The following TNNI3K variants were observed in gnomAD, a reference collection of about 807,000 sequenced individuals.
The protein encoded by TNNI3K is TNNI3 interacting kinase.
TNNI3K carries 140 observed loss-of-function variants against 114.5 expected under a neutral mutation model. The observed-to-expected ratio is 1.22, with a 90% CI of 1.07 to 1.41. The LOEUF is 1.41. Ranked by LOEUF, TNNI3K falls within the 40% of genes most tolerant of loss-of-function variation. The pLI is 0.00. For missense variants in TNNI3K, 1,125 were observed against 1,007.6 expected, an observed-to-expected ratio of 1.12 and a Z score of -1.58; for synonymous variants, 347 against 347.5, an observed-to-expected ratio of 1.00 and a Z score of 0.02.
At chr1:74,484,027 A>G (rs1263276223) in intron 21 of TNNI3K, among the ~76,000 whole-genome samples, 2 of 152,170 alleles carry the variant, frequency 1.3e-5, no homozygotes, top group Non-Finnish European at 2.9e-5. Context: ...CATGTGTAAA[A>G]TAGAAATAAT....
At chr1:74,260,515 C>A (rs1188610209) in intron 4 of TNNI3K, among the ~76,000 whole-genome samples, 1 of 152,050 alleles carries the variant, frequency 6.6e-6, no homozygotes, top group Non-Finnish European at 1.5e-5. Flanking sequence ...TAAAATGAAG[C>A]AGATAGAATT....
chr1:74,253,854 G>A (rs533415352), intron 4 of TNNI3K, among the ~76,000 whole-genome samples: 11 of 152,306 alleles, frequency 7.2e-5, no homozygotes, highest in East Asian at 5.8e-4. Context: ...CGCCAAGGCC[G>A]AGAAGGCACC....
chr1:74,520,309 C>T (rs982898469), intron 23 of TNNI3K, among the ~76,000 whole-genome samples: 2 of 152,084 alleles, frequency 1.3e-5, no homozygotes, highest in Admixed American at 6.6e-5. Context: ...TTTAAATACA[C>T]GTACAGAATT....
intron 11 of TNNI3K, among the ~76,000 whole-genome samples, chr1:74,357,678 T>C (rs1036280171): frequency 2.0e-5 from 3 of 152,110 alleles, no homozygotes; most frequent in African/African-American, 7.2e-5. Flanking sequence ...CTGGTGACCG[T>C]CATCCTACAC....
At chr1:74,268,653 TTA>T (rs1656161406) in intron 4 of TNNI3K, among the ~76,000 whole-genome samples, 1 of 151,842 alleles carries the variant, frequency 6.6e-6, no homozygotes, top group Non-Finnish European at 1.5e-5. Context: ...TACTCTTTTT[TTA>T]TATAATCAAG....
At position 74,367,968 on chromosome 1, in the gene TNNI3K, C is replaced by A; in HGVS notation, c.1321+4C>A. ...AAGATTAAAAGCATGACAAAAGGTA[C>A]CTATAATCTGGGACAATTGTTATAT... On this transcript the variant is annotated splice_donor_region_variant and intron_variant, in intron 13 of 24. Transcript: ENST00000326637. 2 of 1,555,116 alleles carry A rather than the reference C, an allele frequency of 1.3e-6. No individual in the cohort carries two copies. The highest frequency in any genetic ancestry group is 1.7e-6 in the Non-Finnish European group (2 of 1,156,922).
At chr1:74,454,003 G>C (rs566443033) in intron 20 of TNNI3K, among the ~76,000 whole-genome samples, 55 of 152,262 alleles carry the variant, frequency 3.6e-4, no homozygotes, top group African/African-American at 1.3e-3. Context: ...GAATTGGCAT[G>C]TGTCTTGCGA....
At chr1:74,321,080 C>A (rs1354368170) in intron 5 of TNNI3K, among the ~76,000 whole-genome samples, 1 of 152,040 alleles carries the variant, frequency 6.6e-6, no homozygotes, top group African/African-American at 2.4e-5. Flanking sequence ...ATAAATAAAT[C>A]CCTAAAACAG....
intron 5 of TNNI3K, among the ~76,000 whole-genome samples, chr1:74,299,793 AG>A (rs1293381824): frequency 6.6e-6 from 1 of 152,106 alleles, no homozygotes. Flanking sequence ...GGGTTTGGAG[AG>A]GATGCTGAAG....
intron 3 of TNNI3K, among the ~76,000 whole-genome samples, chr1:74,249,771 G>A (rs1241969241): frequency 6.6e-6 from 1 of 152,118 alleles, no homozygotes; most frequent in East Asian, 1.9e-4. Flanking sequence ...CGGAAACCAA[G>A]TCCCTCAGTT....
At chr1:74,378,591 A>ATT (rs1189872473) in intron 17 of TNNI3K, 4 of 78,758 alleles carry the variant, frequency 5.1e-5, no homozygotes, top group African/African-American at 1.4e-4. Context: ...TGTCAGTTTA[A>ATT]TTTTATATAT....
intron 21 of TNNI3K, 145 bp downstream of exon 21, chr1:74,463,695 T>C (rs1316908721): frequency 9.4e-6 from 8 of 852,274 alleles, no homozygotes; most frequent in Middle Eastern, 3.5e-4. Context: ...TAGTCTCTAA[T>C]TGCCTCAAGA....
chr1:74,297,434 C>A (rs1201778257), intron 5 of TNNI3K, among the ~76,000 whole-genome samples: 1 of 151,732 alleles, frequency 6.6e-6, no homozygotes, highest in East Asian at 1.9e-4. Context: ...GAGCTTGCTT[C>A]TTCTCTCTCT....
At chr1:74,444,044 G>A (rs1570626801) in intron 20 of TNNI3K, among the ~76,000 whole-genome samples, 1 of 152,242 alleles carries the variant, frequency 6.6e-6, no homozygotes, top group Middle Eastern at 3.4e-3. Flanking sequence ...CATACCCACA[G>A]CGAATATCAT....
In TNNI3K at chr1:74,543,064, C is replaced by CTTTTT. The variant is rs60688934; in HGVS notation, c.2432-817_2432-813dup. Among the ~76,000 whole-genome samples, 25 of 6,748 alleles carry CTTTTT rather than the reference C, an allele frequency of 3.7e-3. 8 individuals are homozygous for CTTTTT. Among genetic ancestry groups the CTTTTT allele is most frequent in the Non-Finnish European group, 4.3e-3 (12 of 2,794 alleles). The allele number at this position is 6,748 out of a possible 152,430, so 4.4% of individuals were successfully genotyped here. ...CTTTTCCTTTTCTTTTTCTTTTTCCCTTTTTTTTTTTTTTTTTTTTTTTTT... is the reference window on the plus strand; with the variant it reads ...CTTTTCCTTTTCTTTTTCTTTTTCCCTTTTTTTTTTTTTTTTTTTTTTTTTTTTTT... On this transcript the variant is annotated intron_variant, in intron 24 of 24. Transcript: ENST00000326637.
intron 2 of TNNI3K, among the ~76,000 whole-genome samples, chr1:74,246,084 A>C (rs978146327): frequency 6.6e-6 from 1 of 152,222 alleles, no homozygotes; most frequent in Non-Finnish European, 1.5e-5. Flanking sequence ...TGCAATCAAA[A>C]TCATTTCTGA....
chr1:74,299,427 T>TA (rs1658184715), intron 5 of TNNI3K, among the ~76,000 whole-genome samples: 1 of 151,768 alleles, frequency 6.6e-6, no homozygotes. Flanking sequence ...AAGACTTTTT[T>TA]GATACAGTAA....
intron 11 of TNNI3K, chr1:74,366,561 G>T (rs2100513070): frequency 1.3e-5 from 2 of 151,172 alleles, no homozygotes; most frequent in Non-Finnish European, 3.0e-5. Flanking sequence ...GCCAGCAAAT[G>T]GGAAGAGTAG....
chr1:74,391,957 A>ATTATTTTTTTTTTTTTTT (rs1369570973), intron 17 of TNNI3K, among the ~76,000 whole-genome samples: 31 of 93,036 alleles, frequency 3.3e-4, no homozygotes, highest in Non-Finnish European at 4.6e-4. Context: ...ACAGCTTATT[A>ATTATTTTTTTTTTTTTTT]TTTTTTTTTT....
Sources: gnomAD v4.1 joint callset for allele counts (sites outside exome capture counted in the v4.1 genomes callset) on GRCh38, gnomAD v4.1.1 for gene constraint, MANE v1.5 for transcripts, NCBI Gene and HGNC (gene_info 2026-07-23, HGNC 2026-07-21) for gene names.